The following KAZN variants were observed in gnomAD, a reference collection of about 807,000 sequenced individuals.
The protein encoded by KAZN is kazrin.
In KAZN, 40 loss-of-function variants were observed where a neutral mutation model predicts 87.4. The observed-to-expected ratio is 0.46, with a 90% CI of 0.36 to 0.60. KAZN has a LOEUF of 0.60. Ranked by LOEUF, KAZN falls within the 20% of genes least tolerant of loss-of-function variation. The pLI, the probability that KAZN is intolerant of heterozygous loss-of-function variation, is 0.00. For missense variants in KAZN, 898 were observed against 1,073.9 expected, an observed-to-expected ratio of 0.84 and a Z score of 2.29; for synonymous variants, 466 against 458.3, an observed-to-expected ratio of 1.02 and a Z score of -0.22.
intron 2 of KAZN, among the ~76,000 whole-genome samples, chr1:14,493,022 G>A (rs562070524): frequency 6.6e-6 from 1 of 151,878 alleles, no homozygotes; most frequent in Non-Finnish European, 1.5e-5. Context: ...TTCTTCCCTA[G>A]ACGTTCGCAC....
At chr1:14,979,861 C>T (rs960902600) in intron 2 of KAZN, among the ~76,000 whole-genome samples, 9 of 152,098 alleles carry the variant, frequency 5.9e-5, no homozygotes, top group African/African-American at 1.9e-4. Context: ...GAGTTTAGAA[C>T]GGTAAGTACC....
chr1:13,929,249 G>A (rs1047588817), intron 1 of KAZN, among the ~76,000 whole-genome samples: 1 of 152,032 alleles, frequency 6.6e-6, no homozygotes, highest in Non-Finnish European at 1.5e-5. Context: ...TGGGCCCCTT[G>A]GACCCAGGAG....
intron 1 of KAZN, among the ~76,000 whole-genome samples, chr1:14,786,237 C>T (rs575667764): frequency 6.6e-6 from 1 of 152,160 alleles, no homozygotes; most frequent in Non-Finnish European, 1.5e-5. Context: ...GTATCTTGGG[C>T]ACTGCAGTAC....
intron 1 of KAZN, among the ~76,000 whole-genome samples, chr1:14,619,370 T>A (rs777055813): frequency 6.6e-6 from 1 of 151,940 alleles, no homozygotes; most frequent in Non-Finnish European, 1.5e-5. Context: ...GCTAATTTTT[T>A]AAATTTTTTT....
At chr1:14,624,668 G>A (rs1440447595) in intron 1 of KAZN, among the ~76,000 whole-genome samples, 1 of 152,090 alleles carries the variant, frequency 6.6e-6, no homozygotes, top group Non-Finnish European at 1.5e-5. Context: ...CTAAGGACTC[G>A]GTGAAGAGAG....
chr1:14,885,924 G>T (rs907120649), intron 1 of KAZN, among the ~76,000 whole-genome samples: 1 of 152,084 alleles, frequency 6.6e-6, no homozygotes, highest in Non-Finnish European at 1.5e-5. Context: ...GATGTACATA[G>T]CCAGGTCATT....
chr1:14,602,190 T>C (rs9429237), intron 1 of KAZN, among the ~76,000 whole-genome samples: 151,946 of 152,258 alleles, frequency 1, 75,819 homozygotes, highest in East Asian at 1. Flanking sequence ...TGGTTGGTAC[T>C]CCCTGTGAGC....
chr1:14,365,373 G>GGT (rs1557665726), intron 2 of KAZN, among the ~76,000 whole-genome samples: 1 of 148,818 alleles, frequency 6.7e-6, no homozygotes, highest in African/African-American at 2.5e-5. Context: ...CGGGGTGGGG[G>GGT]GGGGGGGGGT....
intron 2 of KAZN, among the ~76,000 whole-genome samples, chr1:14,396,262 A>G (rs1662895142): frequency 6.6e-6 from 1 of 152,118 alleles, no homozygotes; most frequent in African/African-American, 2.4e-5. Context: ...TAGAAAAGAT[A>G]TCTACAAACA....
intron 2 of KAZN, among the ~76,000 whole-genome samples, chr1:14,583,179 G>T (rs1399660560): frequency 1.3e-5 from 2 of 152,224 alleles, no homozygotes; most frequent in Non-Finnish European, 2.9e-5. Flanking sequence ...CAACATCAGA[G>T]ACCTGGTGGA....
chr1:14,274,620 A>G (rs921461802), intron 2 of KAZN, among the ~76,000 whole-genome samples: 1 of 152,186 alleles, frequency 6.6e-6, no homozygotes, highest in African/African-American at 2.4e-5. Flanking sequence ...TCTGTGGACA[A>G]GGCTCTGAAA....
intron 2 of KAZN, among the ~76,000 whole-genome samples, chr1:14,357,605 C>T (rs983556195): frequency 6.6e-6 from 1 of 152,146 alleles, no homozygotes. Flanking sequence ...CCATCAATAC[C>T]TAGTTTATTG....
chr1:14,460,244 T>C (rs191014094), intron 2 of KAZN, among the ~76,000 whole-genome samples: 272 of 152,338 alleles, frequency 1.8e-3, no homozygotes, highest in Non-Finnish European at 2.9e-3. Context: ...CCTCTGACTT[T>C]TCTAACCAAC....
intron 1 of KAZN, among the ~76,000 whole-genome samples, chr1:14,914,079 G>T (rs2801180): frequency 0.1 from 15,785 of 152,296 alleles, 1,084 homozygotes; most frequent in Non-Finnish European, 0.15. Context: ...GTGGCCCTCA[G>T]CTGTCACAGC....
At chr1:14,481,449 C>A (rs1669078929) in intron 2 of KAZN, among the ~76,000 whole-genome samples, 1 of 151,878 alleles carries the variant, frequency 6.6e-6, no homozygotes, top group Non-Finnish European at 1.5e-5. Context: ...AATATGAATG[C>A]TTAGTCTAAT....
At chr1:14,477,791 G>A (rs577870793) in intron 2 of KAZN, among the ~76,000 whole-genome samples, 14 of 152,292 alleles carry the variant, frequency 9.2e-5, no homozygotes, top group Non-Finnish European at 1.8e-4. Flanking sequence ...AGGACAGGAC[G>A]TCCAGAGGAG....
At chr1:14,200,418 A>G (rs1339163075) in intron 2 of KAZN, among the ~76,000 whole-genome samples, 2 of 152,186 alleles carry the variant, frequency 1.3e-5, no homozygotes, top group East Asian at 3.9e-4. Flanking sequence ...TAGTAGGGGA[A>G]AACACTTCCC....
chr1:14,250,740 G>C (rs966514531), intron 2 of KAZN, among the ~76,000 whole-genome samples: 1 of 151,936 alleles, frequency 6.6e-6, no homozygotes, highest in Non-Finnish European at 1.5e-5. Flanking sequence ...AATTGACTTA[G>C]TTTGAAGGTA....
At chr1:14,261,245 G>T (rs1251721645) in intron 2 of KAZN, among the ~76,000 whole-genome samples, 2 of 150,342 alleles carry the variant, frequency 1.3e-5, no homozygotes, top group Non-Finnish European at 3.0e-5. Flanking sequence ...TACTGCAGCT[G>T]TAAAACAGAG....
Sources: gnomAD v4.1 joint callset for allele counts (sites outside exome capture counted in the v4.1 genomes callset) on GRCh38, gnomAD v4.1.1 for gene constraint, MANE v1.5 for transcripts, NCBI Gene and HGNC (gene_info 2026-07-23, HGNC 2026-07-21) for gene names.